REV1: variants seen among roughly 807,000 people sequenced by gnomAD.
REV1 encodes translesion synthesis protein REV1.
REV1 carries 42 observed loss-of-function variants against 137.4 expected under a neutral mutation model. The observed-to-expected ratio is 0.31, with a 90% CI of 0.24 to 0.40. The LOEUF is 0.40. Ranked by LOEUF, REV1 falls within the 10% of genes least tolerant of loss-of-function variation. REV1 has a pLI of 1.00. For missense variants in REV1, 1,282 were observed against 1,490.1 expected, an observed-to-expected ratio of 0.86 and a Z score of 2.30; for synonymous variants, 524 against 519.2, an observed-to-expected ratio of 1.01 and a Z score of -0.12.
At chr2:99,455,192 T>A (rs1427510719) in intron 3 of REV1, among the ~76,000 whole-genome samples, 1 of 152,228 alleles carries the variant, frequency 6.6e-6, no homozygotes, top group Non-Finnish European at 1.5e-5. Context: ...CAGAAAGAAG[T>A]GAGGTGAATG....
intron 14 of REV1, among the ~76,000 whole-genome samples, chr2:99,409,904 T>C (rs915619744): frequency 7.0e-6 from 1 of 142,068 alleles, no homozygotes; most frequent in Non-Finnish European, 1.5e-5. Flanking sequence ...TTACCAGTTT[T>C]CAGACATTAC....
chr2:99,453,870 G>C (rs1363036472), intron 3 of REV1, among the ~76,000 whole-genome samples: 1 of 129,836 alleles, frequency 7.7e-6, no homozygotes, highest in Non-Finnish European at 1.6e-5. Flanking sequence ...TCCAGCCTGG[G>C]TGACAGAGTA....
chr2:99,484,625 GTCA>G (rs1686957944), intron 1 of REV1, among the ~76,000 whole-genome samples: 1 of 151,730 alleles, frequency 6.6e-6, no homozygotes, highest in African/African-American at 2.4e-5. Flanking sequence ...TACGATGCAA[GTCA>G]TCATCCTATT....
intron 2 of REV1, among the ~76,000 whole-genome samples, chr2:99,464,337 T>C (rs992130846): frequency 3.3e-5 from 5 of 152,206 alleles, no homozygotes; most frequent in African/African-American, 9.6e-5. Flanking sequence ...TATTAAAATA[T>C]TATATGCTCA....
intron 6 of REV1, 54 bp downstream of exon 6, chr2:99,438,547 C>T: frequency 1.5e-6 from 2 of 1,371,940 alleles, no homozygotes; most frequent in South Asian, 1.2e-5. Context: ...AGCATAAGAG[C>T]AAAATGATCA....
rs549667374 is a variant in REV1 at position 99,454,885 on chromosome 2, C to T, written c.182-5381G>A. Among the ~76,000 whole-genome samples, 154 of 152,272 alleles carry T rather than the reference C, an allele frequency of 1.0e-3. 1 individual carries two copies. The highest frequency in any genetic ancestry group is 3.4e-3 in the Middle Eastern group (1 of 294). On this transcript the variant is annotated intron_variant, in intron 3 of 22. Coordinates refer to ENST00000258428, the MANE Select transcript of REV1 (RefSeq NM_016316.4). ...GCACAGTAAAAGTAAAAGCCATATA[C>T]AAGGACCACAATTTAGCCCACGTTT...
At chr2:99,468,466 C>T (rs1685062246) in intron 1 of REV1, among the ~76,000 whole-genome samples, 1 of 152,216 alleles carries the variant, frequency 6.6e-6, no homozygotes, top group Admixed American at 6.5e-5. Flanking sequence ...TACAATGTGT[C>T]CTCTTGACTA....
chr2:99,451,471 CT>C, intron 3 of REV1: 1 of 1,304,158 alleles, frequency 7.7e-7, no homozygotes, highest in Non-Finnish European at 1.0e-6. Context: ...CTTACATATT[CT>C]TCAGTGTGAA....
In REV1 at chr2:99,403,058, T is replaced by C. The variant is rs569126127; in HGVS notation, c.3215A>G (p.Lys1072Arg). The stretch of plus-strand genomic sequence containing the variant: ...AATGGTTTTTTTCTTCTTGTTTCTT[T>C]TCTTTTCTTTCACTGCTGCCTTTAG... ...LHLKAAVKEKKRNKKKKTIGS... is the reference protein window; with the variant it reads ...LHLKAAVKEKRRNKKKKTIGS... Residue 1072 changes from lysine to arginine, a missense_variant, in exon 20 of 23, where the codon AAA becomes AGA. Coordinates refer to ENST00000258428, the MANE Select transcript of REV1 (RefSeq NM_016316.4). 3.1e-6 allele frequency: 5 copies of C among 1,613,596 alleles called. No homozygotes were observed. In the South Asian group the frequency reaches 4.4e-5, roughly 14 times the overall value.
In REV1 at chr2:99,464,992, T is replaced by C. The variant is rs1277421515; in HGVS notation, c.-10-7A>G. 3 of 1,605,908 alleles carry C rather than the reference T, an allele frequency of 1.9e-6. No homozygotes were observed. The highest frequency in any genetic ancestry group is 1.7e-5 in the Admixed American group (1 of 58,646). ...TCGCCTCATGGTGGAGCTTCTGTAT[T>C]GGGGAGGAAAAAAAAAATGTCAATT... On this transcript the variant is annotated splice_polypyrimidine_tract_variant and splice_region_variant and intron_variant, in intron 1 of 22. Transcript: ENST00000258428.
intron 10 of REV1, among the ~76,000 whole-genome samples, chr2:99,423,531 T>G (rs1243396563): frequency 1.3e-5 from 2 of 152,234 alleles, no homozygotes; most frequent in Non-Finnish European, 2.9e-5. Context: ...ATAGGCTGGT[T>G]ATACTTTTAA....
At chr2:99,407,428 T>C (rs1050033126) in intron 15 of REV1, among the ~76,000 whole-genome samples, 1 of 151,646 alleles carries the variant, frequency 6.6e-6, no homozygotes, top group Non-Finnish European at 1.5e-5. Context: ...AGCGGGTGCC[T>C]GTACCCCCAG....
intron 1 of REV1, among the ~76,000 whole-genome samples, chr2:99,473,390 G>T (rs1318156177): frequency 6.7e-6 from 1 of 149,438 alleles, no homozygotes; most frequent in Non-Finnish European, 1.5e-5. Context: ...GAAAAGAAAA[G>T]AAAAGAAAAA....
At chr2:99,421,033 T>C (rs1215429834) in intron 11 of REV1, among the ~76,000 whole-genome samples, 4 of 152,138 alleles carry the variant, frequency 2.6e-5, no homozygotes, top group Admixed American at 6.5e-5. Context: ...AAAGACAGCA[T>C]GGATGGAGAT....
chr2:99,438,946 G>A lies in REV1; in HGVS notation c.868C>T (p.Arg290Trp), dbSNP rs144301254. 26 of 1,614,178 alleles carry A rather than the reference G, an allele frequency of 1.6e-5. No homozygotes were observed. The highest frequency in any genetic ancestry group is 6.7e-5 in the East Asian group (3 of 44,890). The change falls in exon 6 of 23, where the codon CGG becomes TGG. Residue 290 changes from arginine (R) to tryptophan (W), a missense_variant. Coordinates refer to ENST00000258428, the MANE Select transcript of REV1 (RefSeq NM_016316.4). The part of the protein sequence containing the change: ...QQSTRNTDAL[R>W]NPHRTNSFSL... ...AAAGAATTAGTTCTGTGTGGATTCC[G>A]CAAAGCATCTGTGTTTCTGGTGCTT...
chr2:99,438,180 C>T (rs978820444), intron 6 of REV1, among the ~76,000 whole-genome samples: 1 of 135,784 alleles, frequency 7.4e-6, no homozygotes, highest in Non-Finnish European at 1.6e-5. Flanking sequence ...CTGTTAATTA[C>T]AACAGCTCTA....
intron 8 of REV1, 24 bp downstream of exon 8, chr2:99,434,308 A>G: frequency 1.3e-6 from 2 of 1,493,140 alleles, no homozygotes; most frequent in Non-Finnish European, 9.2e-7. Context: ...GAGCACTAAG[A>G]CTTCAAAGAG....
rs1676251797 is a variant in REV1 at position 99,406,053 on chromosome 2, A to G, written c.2668T>C (p.Phe890Leu). The change falls in exon 17 of 23, where the codon TTC (phenylalanine) becomes CTC (leucine). Residue 890 changes from phenylalanine to leucine, a missense_variant. Around this residue, in one of 7 missense-constraint regions of REV1, gnomAD observed 372 missense variants for 482.3 expected, o/e 0.77. Transcript: ENST00000258428. ...AGATGTGCAGGAAAAGGTGGCAAGA[A>G]AGTGCAAGTTCTAGAAGCAGATGAT... ...EISSASRTCT[F>L]LPPFPAHLPT... The G allele has an allele frequency of 2.5e-6, 4 of 1,613,762 alleles. No individual in the cohort carries two copies. The highest frequency in any genetic ancestry group is 1.3e-5 in the African/African-American group (1 of 74,900).
intron 7 of REV1, chr2:99,435,400 T>A (rs1328835969): frequency 6.5e-6 from 1 of 152,854 alleles, no homozygotes; most frequent in Non-Finnish European, 1.5e-5. Flanking sequence ...CAATATTCAA[T>A]AATGCAAAAC....
Sources: gnomAD v4.1 joint callset for allele counts (sites outside exome capture counted in the v4.1 genomes callset) on GRCh38, gnomAD v4.1.1 for gene constraint, gnomAD v4.1.1 regional missense constraint, MANE v1.5 for transcripts, NCBI Gene and HGNC (gene_info 2026-07-23, HGNC 2026-07-21) for gene names.